SLC1A3: variants seen among roughly 807,000 people sequenced by gnomAD.
SLC1A3 encodes excitatory amino acid transporter 1.
SLC1A3 carries 21 observed loss-of-function variants against 48.1 expected under a neutral mutation model. The observed-to-expected ratio is 0.44, with a 90% confidence interval of 0.31 to 0.63. The LOEUF is 0.63. SLC1A3 is among the 20% of genes least tolerant of loss of function. The probability of loss-of-function intolerance (pLI) is 0.08; values close to 1 mark genes in which losing one functional copy is unlikely to be tolerated. For missense variants in SLC1A3, 546 were observed against 689.0 expected (o/e 0.79, Z 2.32); for synonymous variants, 239 against 251.4 (o/e 0.95, Z 0.47).
In SLC1A3 at chr5:36,671,238, G is replaced by A; in HGVS notation, c.524+5G>A. The A allele has an allele frequency of 6.2e-7, 1 of 1,608,354 alleles. No individual in the cohort carries two copies. The highest frequency in any genetic ancestry group is 8.5e-7 in the Non-Finnish European group (1 of 1,175,132). On this transcript the variant is annotated splice_donor_5th_base_variant and intron_variant, in intron 4 of 9. Transcript: ENST00000265113. ...TGCCTTCCTGGACTTGATCAGGTAT[G>A]TCCTTGCAAGCCCGTCCTTTGGGGT...
Position 36,598,255 on chromosome 5 carries a change from A to C in SLC1A3, c.-96+1577A>C, listed in dbSNP as rs560642198. 1.2e-3 allele frequency among the ~76,000 whole-genome samples: 178 copies of C among 152,346 alleles called. 1 individual carries two copies. Among genetic ancestry groups the C allele is most frequent in the African/African-American group, 4.2e-3 (175 of 41,580 alleles). On this transcript the variant is annotated intron_variant, in intron 1 of 9. Transcript: ENST00000680318. The stretch of plus-strand genomic sequence containing the variant: ...CAATTCCTTCATTGGGAAAGTGGGA[A>C]TAATAAAACTTAGTAACAGTGGGAT...
At chr5:36,635,368 C>G (rs1740298862) in intron 3 of SLC1A3, among the ~76,000 whole-genome samples, 1 of 152,096 alleles carries the variant, frequency 6.6e-6, no homozygotes, top group Non-Finnish European at 1.5e-5. Flanking sequence ...TCTGGCGGTT[C>G]CCATTGTATA....
intron 2 of SLC1A3, chr5:36,612,762 C>A: frequency 2.2e-6 from 1 of 455,614 alleles, no homozygotes; most frequent in Non-Finnish European, 4.4e-6. Flanking sequence ...AAACTGAAGC[C>A]CAAATCCTTA....
chr5:36,639,063 A>G (rs1740509265), intron 3 of SLC1A3, among the ~76,000 whole-genome samples: 1 of 152,260 alleles, frequency 6.6e-6, no homozygotes, highest in African/African-American at 2.4e-5. Context: ...TACTCTGCAA[A>G]GGTAACAACC....
At chr5:36,615,737 TC>T (rs1444569112) in intron 2 of SLC1A3, among the ~76,000 whole-genome samples, 1 of 152,248 alleles carries the variant, frequency 6.6e-6, no homozygotes, top group East Asian at 1.9e-4. Context: ...CACTGTCTTT[TC>T]CAAGCTGTAC....
At chr5:36,623,086 G>A (rs1739750954) in intron 2 of SLC1A3, among the ~76,000 whole-genome samples, 1 of 150,696 alleles carries the variant, frequency 6.6e-6, no homozygotes, top group African/African-American at 2.4e-5. Flanking sequence ...CTCCTTTCTT[G>A]AACTTTCTGC....
chr5:36,638,091 C>A (rs2111794637), intron 3 of SLC1A3, among the ~76,000 whole-genome samples: 2 of 152,300 alleles, frequency 1.3e-5, no homozygotes, highest in Middle Eastern at 3.4e-3. Flanking sequence ...TTCTAGGAAG[C>A]CTTCCCTGGC....
intron 4 of SLC1A3, among the ~76,000 whole-genome samples, chr5:36,673,551 C>G (rs999614075): frequency 6.6e-6 from 1 of 152,218 alleles, no homozygotes; most frequent in Admixed American, 6.5e-5. Flanking sequence ...GTTGCAGAAG[C>G]TTTAGCAATT....
chr5:36,673,353 A>C (rs901606083), intron 4 of SLC1A3, among the ~76,000 whole-genome samples: 2 of 152,196 alleles, frequency 1.3e-5, no homozygotes, highest in Admixed American at 1.3e-4. Flanking sequence ...ATGAGACATA[A>C]ATGGGTGCCA....
chr5:36,612,289 A>G (rs542643482), intron 2 of SLC1A3, among the ~76,000 whole-genome samples: 1 of 152,326 alleles, frequency 6.6e-6, no homozygotes, highest in Admixed American at 6.5e-5. Flanking sequence ...ATTTTTATAA[A>G]GCATTTCCCT....
At chr5:36,607,207 A>G (rs1393188374) in intron 1 of SLC1A3, 1 of 151,884 alleles carries the variant, frequency 6.6e-6, no homozygotes, top group Non-Finnish European at 1.5e-5. Context: ...TTTTTCCTGC[A>G]CTGGGATTGC....
At chr5:36,684,547 C>T (rs904427667) in intron 9 of SLC1A3, among the ~76,000 whole-genome samples, 1 of 152,206 alleles carries the variant, frequency 6.6e-6, no homozygotes, top group Non-Finnish European at 1.5e-5. Context: ...CAAACTCTAA[C>T]CTCTACAGGC....
chr5:36,647,555 C>T (rs1226906393), intron 3 of SLC1A3, among the ~76,000 whole-genome samples: 1 of 152,140 alleles, frequency 6.6e-6, no homozygotes, highest in Non-Finnish European at 1.5e-5. Context: ...GGAGAGAGAC[C>T]ACATGTATTA....
intron 4 of SLC1A3, among the ~76,000 whole-genome samples, chr5:36,672,721 C>T (rs953264678): frequency 2.0e-5 from 3 of 152,150 alleles, no homozygotes; most frequent in Admixed American, 2.0e-4. Context: ...ACCCAAGGGG[C>T]CTCTTCTTGA....
intron 3 of SLC1A3, among the ~76,000 whole-genome samples, chr5:36,631,710 G>C (rs544581296): frequency 2.2e-4 from 33 of 152,358 alleles, no homozygotes; most frequent in Non-Finnish European, 4.0e-4. Context: ...GTGTTAGTCT[G>C]AAGTGAGTAA....
rs951918420 is a variant in SLC1A3 at position 36,629,494 on chromosome 5, C to T, written c.226C>T (p.Arg76Trp). The change falls in exon 3 of 10, where the codon CGG becomes TGG. Residue 76 changes from arginine to tryptophan, a missense_variant. By Grantham distance (101) the Arg-to-Trp change is moderately radical. This residue lies in a region of SLC1A3 where 348 missense variants were observed against 392.0 expected (regional missense o/e 0.89). Coordinates refer to ENST00000265113, the MANE Select transcript of SLC1A3 (RefSeq NM_004172.5). ...FTLRPYRMSY[R>W]EVKYFSFPGE... ...CCTCCGACCATACAGAATGAGCTACCGGGAAGTCAAGTACTTCTCCTTTCC... is the reference window on the plus strand; with the variant it reads ...CCTCCGACCATACAGAATGAGCTACTGGGAAGTCAAGTACTTCTCCTTTCC... 8 of 1,612,380 alleles carry T rather than the reference C, an allele frequency of 5.0e-6. No homozygotes were observed. Among genetic ancestry groups the T allele is most frequent in the East Asian group, 4.5e-5 (2 of 44,834 alleles).
intron 2 of SLC1A3, among the ~76,000 whole-genome samples, chr5:36,624,119 G>A (rs1391772449): frequency 2.0e-5 from 3 of 152,168 alleles, no homozygotes; most frequent in Non-Finnish European, 4.4e-5. Context: ...CAGCTCTAAC[G>A]TGGCTTGTAG....
At chr5:36,654,470 A>G (rs1189356817) in intron 3 of SLC1A3, among the ~76,000 whole-genome samples, 1 of 152,250 alleles carries the variant, frequency 6.6e-6, no homozygotes, top group East Asian at 1.9e-4. Context: ...TTCATGAAGC[A>G]TTTTACAAAT....
chr5:36,615,795 TC>T (rs1450327582), intron 2 of SLC1A3, among the ~76,000 whole-genome samples: 1 of 152,242 alleles, frequency 6.6e-6, no homozygotes, highest in African/African-American at 2.4e-5. Flanking sequence ...CTATCATTCA[TC>T]AAGTATTTGC....
Sources: gnomAD v4.1 joint callset for allele counts (sites outside exome capture counted in the v4.1 genomes callset) on GRCh38, gnomAD v4.1.1 for gene constraint, gnomAD v4.1.1 regional missense constraint, MANE v1.5 for transcripts, NCBI Gene and HGNC (gene_info 2026-07-23, HGNC 2026-07-21) for gene names.